Variants in TEX11 observed in about 807,000 individuals in gnomAD.
TEX11 encodes the protein testis-expressed protein 11.
In TEX11, 7 loss-of-function variants were observed where a neutral mutation model predicts 84.4. The observed-to-expected ratio is 0.08, with a 90% CI of 0.05 to 0.16. The LOEUF (loss-of-function observed/expected upper bound fraction) is 0.16, where lower values mean the gene tolerates loss of function less well. Ranked by LOEUF, TEX11 falls within the 10% of genes least tolerant of loss-of-function variation. The pLI, the probability that TEX11 is intolerant of heterozygous loss-of-function variation, is 1.00. For missense variants in TEX11, 551 were observed against 660.5 expected (o/e 0.83, Z 1.82); for synonymous variants, 264 against 222.8 (o/e 1.18, Z -1.64).
chrX:70,569,196 A>G (rs2088546487), intron 25 of TEX11, among the ~76,000 whole-genome samples: 1 of 111,934 alleles, frequency 8.9e-6, no homozygotes, highest in Non-Finnish European at 1.9e-5. Context: ...AGTTGATCGC[A>G]TCGGCTCCTG....
chrX:70,875,089 T>A (rs754929826), intron 3 of TEX11, among the ~76,000 whole-genome samples: 101 of 109,985 alleles, frequency 9.2e-4, no homozygotes, highest in African/African-American at 3.2e-3. Context: ...GGCATGAGAA[T>A]CACTTGACCC....
intron 9 of TEX11, among the ~76,000 whole-genome samples, chrX:70,758,180 C>G (rs764154610): frequency 9.0e-6 from 1 of 111,636 alleles, no homozygotes; most frequent in Non-Finnish European, 1.9e-5. Context: ...TAATGGGAGA[C>G]TTTAACAACC....
At chrX:70,610,671 A>G in intron 20 of TEX11, 128 bp from the exon 21 acceptor site, 2 of 579,477 alleles carry the variant, frequency 3.5e-6, no homozygotes, top group Non-Finnish European at 5.6e-6. Context: ...TTTTTTGCTC[A>G]GGACTCCAAT....
At chrX:70,773,343 G>A (rs1453157729) in intron 9 of TEX11, among the ~76,000 whole-genome samples, 2 of 111,222 alleles carry the variant, frequency 1.8e-5, no homozygotes, top group African/African-American at 6.5e-5. Context: ...AGATTTCTCG[G>A]CAGAAACCTT....
intron 17 of TEX11, among the ~76,000 whole-genome samples, chrX:70,639,674 T>G (rs1232972854): frequency 1.8e-5 from 2 of 111,441 alleles, no homozygotes; most frequent in Non-Finnish European, 3.8e-5. Context: ...CACCTCACAC[T>G]GCAGGGTACT....
chrX:70,674,966 G>C (rs2090057784), intron 15 of TEX11, among the ~76,000 whole-genome samples: 1 of 109,483 alleles, frequency 9.1e-6, no homozygotes, highest in Admixed American at 9.8e-5. Context: ...TCTTTGTTTT[G>C]CTATTTTAAT....
intron 8 of TEX11, among the ~76,000 whole-genome samples, chrX:70,829,713 T>TTG (rs755199889): frequency 8.3e-4 from 89 of 107,239 alleles, no homozygotes; most frequent in South Asian, 2.0e-3. Flanking sequence ...TTTTATTAGT[T>TTG]TGTGTGTGTG....
chrX:70,579,868 A>G, intron 25 of TEX11, among the ~76,000 whole-genome samples: 1 of 112,221 alleles, frequency 8.9e-6, no homozygotes, highest in South Asian at 3.8e-4. Flanking sequence ...GATGACATGG[A>G]AAAAAGGGAA....
intron 8 of TEX11, among the ~76,000 whole-genome samples, chrX:70,807,330 G>A (rs2091225038): frequency 9.0e-6 from 1 of 111,605 alleles, no homozygotes; most frequent in African/African-American, 3.3e-5. Flanking sequence ...GTCAAAAGAC[G>A]TATTTAGAAA....
intron 21 of TEX11, 71 bp downstream of exon 21, chrX:70,610,432 A>C (rs756494266): frequency 2.7e-5 from 26 of 964,335 alleles, no homozygotes; most frequent in African/African-American, 9.8e-5. Context: ...TGCTGTGCTT[A>C]GTGTACTTGG....
chrX:70,642,160 A>T (rs914581628), intron 17 of TEX11, among the ~76,000 whole-genome samples: 1 of 112,036 alleles, frequency 8.9e-6, no homozygotes, highest in Non-Finnish European at 1.9e-5. Context: ...AATAAACTAG[A>T]AAATCTAGAA....
intron 25 of TEX11, among the ~76,000 whole-genome samples, chrX:70,555,722 G>C (rs1269530615): frequency 8.9e-6 from 1 of 112,235 alleles, no homozygotes; most frequent in African/African-American, 3.2e-5. Context: ...TTCAGGATGA[G>C]TTTGTATAGA....
chrX:70,874,255 C>A (rs746744102), intron 3 of TEX11, among the ~76,000 whole-genome samples: 1 of 110,474 alleles, frequency 9.1e-6, no homozygotes, highest in South Asian at 3.9e-4. Context: ...AATTACCCAG[C>A]CTCAGGTATT....
intron 9 of TEX11, among the ~76,000 whole-genome samples, chrX:70,763,309 TG>T (rs1208209613): frequency 9.0e-6 from 1 of 111,456 alleles, no homozygotes; most frequent in African/African-American, 3.3e-5. Flanking sequence ...TGGATGGACT[TG>T]GAGGCCATTA....
At chrX:70,778,027 G>C (rs1375749294) in intron 9 of TEX11, among the ~76,000 whole-genome samples, 1 of 111,859 alleles carries the variant, frequency 8.9e-6, no homozygotes, top group African/African-American at 3.2e-5. Flanking sequence ...GACACACATA[G>C]GCTGAAAGTG....
At chrX:70,658,928 G>C (rs1214551137) in intron 16 of TEX11, among the ~76,000 whole-genome samples, 4 of 111,759 alleles carry the variant, frequency 3.6e-5, no homozygotes, top group Non-Finnish European at 7.5e-5. Flanking sequence ...AATGGTTTTT[G>C]ACAAGGGTTC....
At chrX:70,718,384 A>G (rs1308266378) in intron 13 of TEX11, among the ~76,000 whole-genome samples, 2 of 112,422 alleles carry the variant, frequency 1.8e-5, no homozygotes, top group Admixed American at 9.5e-5. Flanking sequence ...TCTGGACACC[A>G]ATTTCAGCAC....
At chrX:70,702,748 T>C (rs2090336653) in intron 13 of TEX11, among the ~76,000 whole-genome samples, 1 of 111,787 alleles carries the variant, frequency 8.9e-6, no homozygotes, top group South Asian at 3.8e-4. Flanking sequence ...GTCGTCCATC[T>C]CTATAATTTT....
chrX:70,579,635 A>G (rs2147477746), intron 25 of TEX11, among the ~76,000 whole-genome samples: 1 of 112,240 alleles, frequency 8.9e-6, no homozygotes, highest in African/African-American at 3.2e-5. Context: ...ACAGAGCTCA[A>G]ACAACTCTAT....
Sources: gnomAD v4.1 joint callset for allele counts (sites outside exome capture counted in the v4.1 genomes callset) on GRCh38, gnomAD v4.1.1 for gene constraint, MANE v1.5 for transcripts, NCBI Gene and HGNC (gene_info 2026-07-23, HGNC 2026-07-21) for gene names.